The following RYR3 variants were observed in gnomAD, a reference collection of about 807,000 sequenced individuals.
RYR3 encodes the protein ryanodine receptor 3.
A neutral mutation model predicts 584.3 loss-of-function variants in RYR3; 207 were observed. The observed-to-expected ratio is 0.35, with a 90% CI of 0.32 to 0.40. RYR3 has a LOEUF of 0.40. Ranked by LOEUF, RYR3 falls within the 10% of genes least tolerant of loss-of-function variation. The pLI, the probability that RYR3 is intolerant of heterozygous loss-of-function variation, is 1.00. For missense variants in RYR3, 5,616 were observed against 6,089.2 expected, an observed-to-expected ratio of 0.92 and a Z score of 2.59; for synonymous variants, 2,416 against 2,248.5, an observed-to-expected ratio of 1.07 and a Z score of -2.11.
At chr15:33,320,266 G>T (rs954222386) in intron 1 of RYR3, among the ~76,000 whole-genome samples, 2 of 152,168 alleles carry the variant, frequency 1.3e-5, no homozygotes, top group African/African-American at 4.8e-5. Flanking sequence ...AGAGAGATTG[G>T]CAGGCAGACA....
intron 44 of RYR3, among the ~76,000 whole-genome samples, chr15:33,723,668 C>G (rs1293686168): frequency 6.6e-6 from 1 of 152,184 alleles, no homozygotes; most frequent in Non-Finnish European, 1.5e-5. Flanking sequence ...GAGAAAAAAA[C>G]TGAGGCCCAA....
intron 1 of RYR3, among the ~76,000 whole-genome samples, chr15:33,435,642 C>T (rs968875520): frequency 4.6e-5 from 7 of 152,162 alleles, no homozygotes; most frequent in Admixed American, 2.6e-4. Context: ...TTGCTAACTT[C>T]AAGAATGAAG....
chr15:33,550,082 G>C (rs2056561855), intron 9 of RYR3, 78 bp from the exon 10 acceptor site: 2 of 1,436,846 alleles, frequency 1.4e-6, no homozygotes, highest in South Asian at 2.7e-5. Context: ...GCTAGCATGT[G>C]TAAGAAAGCA....
At chr15:33,863,674 G>A (rs770415666) in intron 102 of RYR3, among the ~76,000 whole-genome samples, 18 of 152,006 alleles carry the variant, frequency 1.2e-4, no homozygotes, top group Admixed American at 3.3e-4. Flanking sequence ...CTATAGTTCT[G>A]GAAGAATCTC....
intron 3 of RYR3, among the ~76,000 whole-genome samples, chr15:33,517,120 A>T (rs1437115073): frequency 6.6e-6 from 1 of 152,096 alleles, no homozygotes; most frequent in Non-Finnish European, 1.5e-5. Context: ...TCAGCCTCCC[A>T]ACCAGCTGGG....
In RYR3 at chr15:33,577,553, C is replaced by A. The variant is rs543383721; in HGVS notation, c.1269-2423C>A. On this transcript the variant is annotated intron_variant, in intron 12 of 103. Transcript: ENST00000634891. ...TATTTAATAAATGATGCTGGGAGAA[C>A]TGGCGAGCCATGTGCAGAAAATTGA... 5.1e-4 allele frequency among the ~76,000 whole-genome samples: 78 copies of A among 152,266 alleles called. 1 individual carries two copies. Among genetic ancestry groups the A allele is most frequent in the Non-Finnish European group, 9.9e-4 (67 of 68,018 alleles).
chr15:33,377,661 T>C (rs543386957), intron 1 of RYR3, among the ~76,000 whole-genome samples: 1 of 152,364 alleles, frequency 6.6e-6, no homozygotes, highest in East Asian at 1.9e-4. Context: ...ACTGAATACA[T>C]AGGTGACCTT....
At chr15:33,677,386 C>G (rs907999463) in intron 38 of RYR3, among the ~76,000 whole-genome samples, 4 of 152,204 alleles carry the variant, frequency 2.6e-5, no homozygotes, top group Admixed American at 6.5e-5. Flanking sequence ...TTCGCTGTGC[C>G]ATCTCTGCCT....
At chr15:33,325,725 TCTTC>T (rs67855881) in intron 1 of RYR3, among the ~76,000 whole-genome samples, 13,073 of 91,242 alleles carry the variant, frequency 0.14, 1,083 homozygotes, top group Middle Eastern at 0.22. Flanking sequence ...CCCCTCCCCC[TCTTC>T]CTTCCTTCCT....
In RYR3 at chr15:33,838,889, C is replaced by T; in HGVS notation, c.12909C>T (p.Leu4303=). ...GGCCTGAAGTGGGTTTGGGTGACCT[C>T]TCAGAAATTATTGGCAAGGATGAAC... is the stretch of plus-strand genomic sequence containing the variant. ...KHGPEVGLGD[L]SEIIGKDEPP... The change falls in exon 89 of 104, where the codon CTC becomes CTT. Residue 4303 remains leucine, a synonymous_variant. Transcript: ENST00000634891. The T allele has an allele frequency of 2.5e-6, 4 of 1,613,966 alleles. No individual in the cohort carries two copies. The highest frequency in any genetic ancestry group is 3.4e-6 in the Non-Finnish European group (4 of 1,179,866).
intron 85 of RYR3, among the ~76,000 whole-genome samples, chr15:33,827,604 A>G (rs1031006441): frequency 6.6e-6 from 1 of 152,220 alleles, no homozygotes; most frequent in Admixed American, 6.5e-5. Flanking sequence ...ATAACCTGTG[A>G]ATGAGAACAG....
intron 1 of RYR3, among the ~76,000 whole-genome samples, chr15:33,387,543 T>C (rs2041691421): frequency 6.6e-6 from 1 of 152,158 alleles, no homozygotes; most frequent in Non-Finnish European, 1.5e-5. Context: ...ATAAGGTACC[T>C]GTCAGTTTTT....
At chr15:33,362,413 TCAGCAGCAGCAG>T (rs979552217) in intron 1 of RYR3, among the ~76,000 whole-genome samples, 9 of 152,026 alleles carry the variant, frequency 5.9e-5, no homozygotes, top group Non-Finnish European at 1.2e-4. Flanking sequence ...ATCATCATCA[TCAGCAGCAGCAG>T]CAGCAGCAGC....
chr15:33,709,400 T>C (rs1267116392), intron 43 of RYR3, among the ~76,000 whole-genome samples: 1 of 152,216 alleles, frequency 6.6e-6, no homozygotes, highest in Non-Finnish European at 1.5e-5. Flanking sequence ...AGAAGCAGCA[T>C]GTACAGTAGC....
intron 1 of RYR3, among the ~76,000 whole-genome samples, chr15:33,416,334 T>C (rs2043808248): frequency 6.6e-6 from 1 of 152,232 alleles, no homozygotes; most frequent in Non-Finnish European, 1.5e-5. Context: ...GCAATAAGCA[T>C]TCTCTTTTCT....
intron 40 of RYR3, among the ~76,000 whole-genome samples, chr15:33,699,260 CT>C (rs1389026789): frequency 2.9e-4 from 31 of 107,934 alleles, no homozygotes; most frequent in African/African-American, 9.8e-4. Context: ...CTCTCCCCCC[CT>C]TTCTCTCTCT....
At chr15:33,848,130 G>T (rs1365375925) in intron 93 of RYR3, among the ~76,000 whole-genome samples, 161 bp from the exon 94 acceptor site, 1 of 152,184 alleles carries the variant, frequency 6.6e-6, no homozygotes, top group Admixed American at 6.5e-5. Context: ...TTTAGCCAAA[G>T]AGATTCATTT....
intron 65 of RYR3, among the ~76,000 whole-genome samples, chr15:33,784,613 C>T (rs1266026784): frequency 2.6e-5 from 4 of 152,190 alleles, no homozygotes; most frequent in Non-Finnish European, 5.9e-5. Context: ...TTTTTGCCCC[C>T]GTTTGAGAAG....
intron 1 of RYR3, among the ~76,000 whole-genome samples, chr15:33,330,151 CT>C (rs1970206665): frequency 6.6e-6 from 1 of 152,144 alleles, no homozygotes; most frequent in East Asian, 1.9e-4. Flanking sequence ...AGTAACTTAG[CT>C]CAAAGTGGCG....
Sources: gnomAD v4.1 joint callset for allele counts (sites outside exome capture counted in the v4.1 genomes callset) on GRCh38, gnomAD v4.1.1 for gene constraint, MANE v1.5 for transcripts, NCBI Gene and HGNC (gene_info 2026-07-23, HGNC 2026-07-21) for gene names.